KCNIP1: variants seen among roughly 807,000 people sequenced by gnomAD.
KCNIP1 encodes potassium voltage-gated channel interacting protein 1, also known as A-type potassium channel modulatory protein KCNIP1.
In KCNIP1, 18 loss-of-function variants were observed where a neutral mutation model predicts 33.0. The ratio of observed to expected loss-of-function variants is 0.55; its 90% CI spans 0.38 to 0.81. The LOEUF (loss-of-function observed/expected upper bound fraction) is 0.81, where lower values mean the gene tolerates loss of function less well. Among genes scored for constraint, KCNIP1 ranks in the 30% least tolerant of loss-of-function variants. The pLI is 0.00. For missense variants in KCNIP1, 238 were observed against 271.6 expected (o/e 0.88, Z 0.87); for synonymous variants, 93 against 98.3 (o/e 0.95, Z 0.32).
intron 1 of KCNIP1, among the ~76,000 whole-genome samples, chr5:170,542,883 A>G (rs1018602936): frequency 1.3e-5 from 2 of 152,200 alleles, no homozygotes; most frequent in Admixed American, 1.3e-4. Flanking sequence ...AACTACGGGA[A>G]GTGAAACTGC....
rs1364479592 is a variant in KCNIP1 at position 170,504,342 on chromosome 5, C to G, written c.-231C>G. The G allele has an allele frequency of 4.3e-6, 6 of 1,390,736 alleles. No individual in the cohort carries two copies. Among genetic ancestry groups the G allele is most frequent in the African/African-American group, 1.5e-5 (1 of 67,492 alleles). 86.1% of individuals were successfully genotyped at this position (1,390,736 alleles called of 1,614,324 possible). Reference sequence around the variant, plus strand: ...GGGTCCTCGCGCGGGGAAGCGGTTCCGAAGGCTCGCGGGGAGCGGCTAGCC... The same window carrying G: ...GGGTCCTCGCGCGGGGAAGCGGTTCGGAAGGCTCGCGGGGAGCGGCTAGCC... On this transcript the variant is annotated 5_prime_UTR_variant, in exon 1 of 8. Coordinates refer to ENST00000328939, the MANE Select transcript of KCNIP1 (RefSeq NM_014592.4). This position sits in a 1 kb window ranked among gnomAD's most constrained non-coding sequence, Gnocchi z 6.0.
chr5:170,598,945 G>A (rs1410036483), intron 1 of KCNIP1, among the ~76,000 whole-genome samples: 1 of 148,308 alleles, frequency 6.7e-6, no homozygotes, highest in South Asian at 2.2e-4. Context: ...GTGTGTGTTT[G>A]GTGGGGTGGG....
At chr5:170,426,156 C>T (rs1581180979) in intron 1 of KCNIP1, among the ~76,000 whole-genome samples, 1 of 152,144 alleles carries the variant, frequency 6.6e-6, no homozygotes, top group East Asian at 1.9e-4. Context: ...AGAGCTCCTC[C>T]ATGGTAGGGA....
intron 1 of KCNIP1, among the ~76,000 whole-genome samples, chr5:170,458,151 A>G (rs1390048563): frequency 6.6e-6 from 1 of 152,194 alleles, no homozygotes; most frequent in African/African-American, 2.4e-5. Flanking sequence ...AAGACAAAGG[A>G]AAAATTATAA....
At chr5:170,363,195 C>T (rs774208836) in intron 1 of KCNIP1, among the ~76,000 whole-genome samples, 31 of 152,322 alleles carry the variant, frequency 2.0e-4, no homozygotes, top group Non-Finnish European at 4.3e-4. Context: ...ATCACAGATA[C>T]AGCACTGTGG....
intron 1 of KCNIP1, among the ~76,000 whole-genome samples, chr5:170,591,870 CT>C (rs1480170446): frequency 6.6e-6 from 1 of 152,110 alleles, no homozygotes; most frequent in African/African-American, 2.4e-5. Flanking sequence ...TTGCATCCAC[CT>C]TTTTTTGCTA....
intron 1 of KCNIP1, among the ~76,000 whole-genome samples, chr5:170,660,175 ATATAGT>A (rs1271003155): frequency 1.7e-4 from 26 of 152,294 alleles, no homozygotes; most frequent in African/African-American, 5.8e-4. Flanking sequence ...TGAATTATAG[ATATAGT>A]TATAGCCTTC....
intron 1 of KCNIP1, among the ~76,000 whole-genome samples, chr5:170,362,086 C>T (rs1763528965): frequency 6.6e-6 from 1 of 152,220 alleles, no homozygotes; most frequent in East Asian, 1.9e-4. Flanking sequence ...GCCATGTGCC[C>T]AGCATTGCCT....
intron 1 of KCNIP1, chr5:170,383,930 C>G: frequency 6.8e-7 from 1 of 1,468,112 alleles, no homozygotes; most frequent in Non-Finnish European, 9.3e-7. Flanking sequence ...CCCATTATCC[C>G]CTGGGAGCCT....
intron 1 of KCNIP1, chr5:170,378,137 A>C (rs1764081994): frequency 6.6e-6 from 1 of 152,298 alleles, no homozygotes; most frequent in Non-Finnish European, 1.5e-5. Context: ...AATTTTGATG[A>C]GTTCTCATGT....
At chr5:170,428,560 T>C (rs1000895716) in intron 1 of KCNIP1, among the ~76,000 whole-genome samples, 2 of 152,190 alleles carry the variant, frequency 1.3e-5, no homozygotes, top group Non-Finnish European at 1.5e-5. Context: ...TTGAGAACTT[T>C]AGAGCAGCTC....
intron 1 of KCNIP1, among the ~76,000 whole-genome samples, chr5:170,607,417 C>G (rs1758968155): frequency 6.6e-6 from 1 of 152,162 alleles, no homozygotes; most frequent in East Asian, 1.9e-4. Context: ...GAGTGATGAC[C>G]ACCGTATGCT....
intron 1 of KCNIP1, among the ~76,000 whole-genome samples, chr5:170,634,543 G>A (rs773318267): frequency 5.3e-5 from 8 of 152,214 alleles, no homozygotes; most frequent in Non-Finnish European, 1.0e-4. Flanking sequence ...ATCCTGGCAA[G>A]AGATAGAATT....
intron 1 of KCNIP1, among the ~76,000 whole-genome samples, chr5:170,471,506 G>T (rs2113135628): frequency 6.6e-6 from 1 of 152,294 alleles, no homozygotes; most frequent in South Asian, 2.1e-4. Context: ...TCACAGCTCA[G>T]GGAGGGAGGA....
intron 1 of KCNIP1, among the ~76,000 whole-genome samples, chr5:170,470,982 G>C (rs552496903): frequency 6.6e-6 from 1 of 152,182 alleles, no homozygotes; most frequent in Non-Finnish European, 1.5e-5. Context: ...ACTCAGGGAC[G>C]TAGGTTGAGA....
At chr5:170,451,660 C>G (rs1756253223) in intron 1 of KCNIP1, among the ~76,000 whole-genome samples, 1 of 151,134 alleles carries the variant, frequency 6.6e-6, no homozygotes, top group African/African-American at 2.4e-5. Flanking sequence ...GGAGCATCAG[C>G]TGGAGTAGAC....
intron 1 of KCNIP1, among the ~76,000 whole-genome samples, chr5:170,386,170 G>T (rs1362306726): frequency 6.6e-6 from 1 of 152,056 alleles, no homozygotes; most frequent in Non-Finnish European, 1.5e-5. Flanking sequence ...TTGAAATGGG[G>T]AGACAATATT....
At chr5:170,410,174 G>A (rs964659230) in intron 1 of KCNIP1, among the ~76,000 whole-genome samples, 8 of 152,218 alleles carry the variant, frequency 5.3e-5, no homozygotes, top group African/African-American at 1.7e-4. Flanking sequence ...CCACTCAGGG[G>A]ATCACAGACA....
intron 1 of KCNIP1, among the ~76,000 whole-genome samples, chr5:170,427,482 G>A (rs756192096): frequency 5.3e-5 from 8 of 152,174 alleles, no homozygotes; most frequent in African/African-American, 9.7e-5. Flanking sequence ...AAGGGGAAGC[G>A]ACTTCCCAGG....
Sources: gnomAD v4.1 joint callset for allele counts (sites outside exome capture counted in the v4.1 genomes callset) on GRCh38, gnomAD v4.1.1 for gene constraint, Gnocchi (gnomAD v3.1) non-coding constraint, MANE v1.5 for transcripts, NCBI Gene and HGNC (gene_info 2026-07-23, HGNC 2026-07-21) for gene names.